The following KCND2 variants were observed in gnomAD, a reference collection of about 807,000 sequenced individuals.
KCND2 encodes A-type voltage-gated potassium channel KCND2.
Under a neutral mutation model 54.4 loss-of-function variants are expected in KCND2, and 16 were observed. The ratio of observed to expected loss-of-function variants is 0.29; its 90% confidence interval spans 0.20 to 0.45. The LOEUF (loss-of-function observed/expected upper bound fraction) is 0.45, where lower values mean the gene tolerates loss of function less well. Among genes scored for constraint, KCND2 ranks in the 20% least tolerant of loss-of-function variants. The pLI is 1.00. For missense variants in KCND2, 486 were observed against 824.2 expected, an observed-to-expected ratio of 0.59 and a Z score of 5.02; for synonymous variants, 317 against 310.7, an observed-to-expected ratio of 1.02 and a Z score of -0.21.
chr7:120,282,731 T>C (rs565020043), intron 1 of KCND2, among the ~76,000 whole-genome samples: 1 of 152,274 alleles, frequency 6.6e-6, no homozygotes, highest in African/African-American at 2.4e-5. Context: ...CTTCTTCATT[T>C]TCTTCACTTT....
At chr7:120,648,150 T>C (rs763266258) in intron 1 of KCND2, among the ~76,000 whole-genome samples, 3 of 152,080 alleles carry the variant, frequency 2.0e-5, no homozygotes, top group Non-Finnish European at 4.4e-5. Flanking sequence ...TCTTTAATAT[T>C]TTGTCCCCAC....
chr7:120,435,270 CTTTTT>C (rs533084445), intron 1 of KCND2, among the ~76,000 whole-genome samples: 2 of 132,884 alleles, frequency 1.5e-5, no homozygotes, highest in East Asian at 4.3e-4. Context: ...CCATGCCTGG[CTTTTT>C]TTTTTTTTTT....
intron 1 of KCND2, among the ~76,000 whole-genome samples, chr7:120,621,510 A>G (rs1196487519): frequency 6.6e-6 from 1 of 152,108 alleles, no homozygotes; most frequent in East Asian, 1.9e-4. Context: ...CCTTTGATAA[A>G]TATTTGAGTT....
At chr7:120,608,143 C>A (rs747271493) in intron 1 of KCND2, among the ~76,000 whole-genome samples, 1 of 151,598 alleles carries the variant, frequency 6.6e-6, no homozygotes, top group Admixed American at 6.6e-5. Context: ...ATACTCTCAT[C>A]AAGTGTAATC....
At chr7:120,680,461 C>T (rs1261436817) in intron 1 of KCND2, among the ~76,000 whole-genome samples, 2 of 152,142 alleles carry the variant, frequency 1.3e-5, no homozygotes, top group African/African-American at 2.4e-5. Context: ...GCATTCCTTA[C>T]AACAGAGAAT....
At chr7:120,643,225 G>GA (rs1423824054) in intron 1 of KCND2, among the ~76,000 whole-genome samples, 1 of 152,100 alleles carries the variant, frequency 6.6e-6, no homozygotes, top group Non-Finnish European at 1.5e-5. Flanking sequence ...TAACCATGGG[G>GA]AATGCAGTTT....
At chr7:120,694,663 A>G (rs1015763389) in intron 1 of KCND2, among the ~76,000 whole-genome samples, 1 of 152,052 alleles carries the variant, frequency 6.6e-6, no homozygotes, top group Non-Finnish European at 1.5e-5. Flanking sequence ...TGACATTATT[A>G]CCCCCAATGA....
rs116363683 is a variant in KCND2, at chr7:120,320,303, A to G, written c.1115+44556A>G. Among the ~76,000 whole-genome samples, 459 of 152,286 alleles carry G rather than the reference A, an allele frequency of 3.0e-3. 2 individuals carry two copies. The highest frequency in any genetic ancestry group is 0.011 in the African/African-American group (443 of 41,570). On this transcript the variant is annotated intron_variant, in intron 1 of 5. Transcript: ENST00000331113. ...AGTTAAGGAAAGATTAACTTCTATA[A>G]GAAGTGTCACTTTGGTCTAGCCTAG...
chr7:120,390,243 T>C (rs971481066), intron 1 of KCND2, among the ~76,000 whole-genome samples: 1 of 151,902 alleles, frequency 6.6e-6, no homozygotes, highest in East Asian at 1.9e-4. Flanking sequence ...ATAAATATAG[T>C]ATGTACTAGC....
intron 1 of KCND2, among the ~76,000 whole-genome samples, chr7:120,528,594 G>A (rs1791805429): frequency 6.6e-6 from 1 of 152,074 alleles, no homozygotes; most frequent in Admixed American, 6.6e-5. Flanking sequence ...GCAACTTTTA[G>A]TACATGGGGC....
At chr7:120,390,979 C>T (rs1343403925) in intron 1 of KCND2, among the ~76,000 whole-genome samples, 1 of 151,924 alleles carries the variant, frequency 6.6e-6, no homozygotes, top group African/African-American at 2.4e-5. Flanking sequence ...TATATATGTG[C>T]CATGGTGGTT....
At chr7:120,494,938 A>G (rs1213751927) in intron 1 of KCND2, among the ~76,000 whole-genome samples, 3 of 152,182 alleles carry the variant, frequency 2.0e-5, no homozygotes, top group East Asian at 3.8e-4. Context: ...TGTGTTGTCA[A>G]TTTTACTTCC....
intron 1 of KCND2, among the ~76,000 whole-genome samples, chr7:120,640,123 T>G (rs1245105586): frequency 6.6e-6 from 1 of 152,168 alleles, no homozygotes; most frequent in Non-Finnish European, 1.5e-5. Flanking sequence ...TAGCCTATCC[T>G]GTGGTGTGTG....
intron 1 of KCND2, among the ~76,000 whole-genome samples, chr7:120,421,801 T>G (rs760647441): frequency 3.3e-5 from 5 of 152,198 alleles, no homozygotes; most frequent in South Asian, 2.1e-4. Flanking sequence ...ACAGCCTACA[T>G]AGCAAAATAA....
chr7:120,278,720 A>G (rs1799217877), intron 1 of KCND2, among the ~76,000 whole-genome samples: 1 of 151,862 alleles, frequency 6.6e-6, no homozygotes, highest in African/African-American at 2.4e-5. Context: ...TCAGTAGACT[A>G]TAACTTGACT....
chr7:120,657,614 A>T (rs1013330747), intron 1 of KCND2, among the ~76,000 whole-genome samples: 1 of 152,170 alleles, frequency 6.6e-6, no homozygotes, highest in East Asian at 1.9e-4. Flanking sequence ...CTGTAATTTC[A>T]GCCAAGGCAA....
intron 1 of KCND2, among the ~76,000 whole-genome samples, chr7:120,693,590 G>A (rs987972683): frequency 2.0e-5 from 3 of 152,166 alleles, no homozygotes; most frequent in Non-Finnish European, 2.9e-5. Context: ...GAGGGAAAAA[G>A]GAAAGAGGCA....
intron 1 of KCND2, among the ~76,000 whole-genome samples, chr7:120,516,695 A>T (rs752853104): frequency 6.6e-6 from 1 of 152,146 alleles, no homozygotes; most frequent in Non-Finnish European, 1.5e-5. Context: ...GTTAATAAAA[A>T]TTTCCTGAAT....
rs370791438 is a variant in KCND2 at position 120,275,308 on chromosome 7, G to A, written c.676G>A (p.Ala226Thr). The A allele has an allele frequency of 4.3e-6, 7 of 1,613,844 alleles. No homozygotes were observed. The highest frequency in any genetic ancestry group is 5.9e-6 in the Non-Finnish European group (7 of 1,179,970). ...AGAACTGCCCTGTGGAGAGCGGTAT[G>A]CTGTGGCCTTCTTCTGCTTGGACAC... Reference protein sequence around the residue: ...IKELPCGERYAVAFFCLDTAC... With the variant: ...IKELPCGERYTVAFFCLDTAC... Residue 226 changes from alanine (A) to threonine (T), a missense_variant, in exon 1 of 6, where the codon GCT becomes ACT. Coordinates refer to ENST00000331113, the MANE Select transcript of KCND2 (RefSeq NM_012281.3).
Sources: allele counts gnomAD v4.1 joint callset (sites outside exome capture counted in the v4.1 genomes callset), GRCh38; gene constraint gnomAD v4.1.1; transcripts MANE v1.5; gene names NCBI Gene and HGNC (gene_info 2026-07-23, HGNC 2026-07-21).